SMAD3: variants seen among roughly 807,000 people sequenced by gnomAD.
SMAD3 encodes the protein MAD homolog 3.
Under a neutral mutation model 51.8 loss-of-function variants are expected in SMAD3, and 12 were observed. The observed-to-expected ratio is 0.23, with a 90% confidence interval of 0.15 to 0.38. SMAD3 has a LOEUF of 0.38. Ranked by LOEUF, SMAD3 falls within the 10% of genes least tolerant of loss-of-function variation. The pLI, the probability that SMAD3 is intolerant of heterozygous loss-of-function variation, is 1.00. For missense variants in SMAD3, 294 were observed against 565.6 expected (o/e 0.52, Z 4.87); for synonymous variants, 238 against 227.7 (o/e 1.05, Z -0.41).
intron 1 of SMAD3, chr15:67,128,003 T>C (rs1199315690): frequency 6.6e-6 from 1 of 152,246 alleles, no homozygotes; most frequent in Non-Finnish European, 1.5e-5. Flanking sequence ...CTTTCCAACT[T>C]GCAGCCTGCA....
At position 67,066,352 on chromosome 15, in the gene SMAD3, C is replaced by A. The variant is rs2140189180; in HGVS notation, c.198C>A (p.Thr66=). ...AGAACGTCAACACCAAGTGCATCAC[C>A]ATCCCCAGGTGGGGGCCCGCCCGGG... ...TTQNVNTKCI[T]IPRSLDGRLQ... is the part of the protein sequence containing the mutation. The change falls in exon 1 of 9, where the codon ACC becomes ACA. Residue 66 remains threonine (T), a synonymous_variant. Transcript: ENST00000327367. 1 of 1,612,692 alleles carries A rather than the reference C, an allele frequency of 6.2e-7. No homozygotes were observed. Among genetic ancestry groups the A allele is most frequent in the South Asian group, 1.1e-5 (1 of 91,020 alleles).
At chr15:67,165,181 TG>T in intron 2 of SMAD3, 71 bp from the exon 3 acceptor site, 4 of 1,612,234 alleles carry the variant, frequency 2.5e-6, no homozygotes, top group Middle Eastern at 1.7e-4. Flanking sequence ...GCGGTGCACT[TG>T]GGGGTGCGGG....
intron 1 of SMAD3, among the ~76,000 whole-genome samples, chr15:67,104,024 C>T (rs1052119534): frequency 4.6e-5 from 7 of 152,074 alleles, no homozygotes; most frequent in East Asian, 3.8e-4. Flanking sequence ...GGTGCGTAGC[C>T]GAGAAAGTGC....
intron 1 of SMAD3, chr15:67,138,102 T>A: frequency 6.5e-7 from 1 of 1,550,290 alleles, no homozygotes; most frequent in Non-Finnish European, 8.7e-7. Flanking sequence ...GATGGGGAGG[T>A]AGGAGCCCCG....
At chr15:67,182,996 A>ATATATATATATATATATAT (rs1429510155) in intron 6 of SMAD3, among the ~76,000 whole-genome samples, 1 of 55,380 alleles carries the variant, frequency 1.8e-5, no homozygotes, top group Non-Finnish European at 3.2e-5. Flanking sequence ...TAAAAAAAAA[A>ATATATATATATATATATAT]AAAAATATAT....
At chr15:67,145,616 G>A (rs1961954957) in intron 1 of SMAD3, among the ~76,000 whole-genome samples, 1 of 152,126 alleles carries the variant, frequency 6.6e-6, no homozygotes, top group South Asian at 2.1e-4. Context: ...TGAATGAAAG[G>A]TTATGGGTGA....
At position 67,183,028 on chromosome 15, in the gene SMAD3, TATA is replaced by T. The variant is rs1276821532; in HGVS notation, c.871+1576_871+1578del. Among the ~76,000 whole-genome samples, 301 of 63,860 alleles carry T rather than the reference TATA, an allele frequency of 4.7e-3. 2 individuals are homozygous for T. The highest frequency in any genetic ancestry group is 6.1e-3 in the Non-Finnish European group (230 of 37,606). The allele number at this position is 63,860 out of a possible 152,430, so 41.9% of individuals were successfully genotyped here. A position where few individuals can be genotyped will look rare whatever the true frequency, so the allele number is the denominator to read the frequency against. ...ATATATATATATATATATATATATA[TATA>T]TTTTTTTTTTTTTTTTTTTTGGAGC... On this transcript the variant is annotated intron_variant, in intron 6 of 8. Transcript: ENST00000327367.
rs1480492577 is a variant in SMAD3, at chr15:67,184,826, A to G, written c.971A>G (p.Tyr324Cys). The G allele has an allele frequency of 2.5e-6, 4 of 1,613,590 alleles. No individual in the cohort carries two copies. The change falls in exon 7 of 9, where the codon TAT (tyrosine) becomes TGT (cysteine). Residue 324 changes from tyrosine to cysteine, a missense_variant. By Grantham distance (194) the Tyr-to-Cys change is radical. Around this residue, in one of 3 missense-constraint regions of SMAD3, gnomAD observed 118 missense variants for 278.0 expected, o/e 0.42. Transcript: ENST00000327367. ...CAGTCTCCCAACTGTAACCAGCGCTATGGCTGGCACCCGGCCACCGTCTGC... is the reference window on the plus strand; with the variant it reads ...CAGTCTCCCAACTGTAACCAGCGCTGTGGCTGGCACCCGGCCACCGTCTGC... The part of the protein sequence containing the change: ...FVQSPNCNQR[Y>C]GWHPATVCKI...
At chr15:67,178,239 T>G (rs1241969944) in intron 5 of SMAD3, among the ~76,000 whole-genome samples, 1 of 152,178 alleles carries the variant, frequency 6.6e-6, no homozygotes, top group African/African-American at 2.4e-5. Context: ...CAGAGCATGG[T>G]TCTAGCACCA....
chr15:67,174,904 CAAAGCCACTTCTGGTAAG>C (rs1962847333), intron 5 of SMAD3, among the ~76,000 whole-genome samples: 1 of 152,244 alleles, frequency 6.6e-6, no homozygotes, highest in African/African-American at 2.4e-5. Context: ...CTTGCCCCAG[CAAAGCCACTTCTGGTAAG>C]GGGCAGGGAC....
intron 1 of SMAD3, among the ~76,000 whole-genome samples, chr15:67,072,211 G>A (rs539296530): frequency 2.0e-5 from 3 of 152,138 alleles, no homozygotes; most frequent in South Asian, 2.1e-4. Context: ...AAATTAACAC[G>A]ATTTAATGAA....
rs1416321033 is a variant in SMAD3, at chr15:67,166,848, A to G, written c.602A>G (p.Asp201Gly). 4 of 1,589,700 alleles carry G rather than the reference A, an allele frequency of 2.5e-6. No homozygotes were observed. Among genetic ancestry groups the G allele is most frequent in the Non-Finnish European group, 3.4e-6 (4 of 1,167,292 alleles). The change falls in exon 4 of 9, where the codon GAC (aspartate) becomes GGC (glycine). Residue 201 changes from aspartate to glycine, a missense_variant. Coordinates refer to ENST00000327367, the MANE Select transcript of SMAD3 (RefSeq NM_005902.4). Reference protein sequence around the residue: ...TSDHQMNHSMDAGSPNLSPNP... With the variant: ...TSDHQMNHSMGAGSPNLSPNP... ...GACCACCAGATGAACCACAGCATGG[A>G]CGCAGGTCAGTCATGCAGGGTCATG...
chr15:67,180,286 G>A (rs545310920), intron 5 of SMAD3, among the ~76,000 whole-genome samples: 5 of 152,174 alleles, frequency 3.3e-5, no homozygotes, highest in African/African-American at 9.6e-5. Flanking sequence ...CTGCAGAGGC[G>A]TGCAGTAGGA....
chr15:67,177,484 G>A (rs71400360), intron 5 of SMAD3, among the ~76,000 whole-genome samples: 8,027 of 146,582 alleles, frequency 0.055, 330 homozygotes, highest in East Asian at 0.16. Flanking sequence ...GTGCAGTGGC[G>A]TGATCTTGGC....
intron 1 of SMAD3, among the ~76,000 whole-genome samples, chr15:67,090,611 A>G (rs1960489465): frequency 6.6e-6 from 1 of 152,036 alleles, no homozygotes; most frequent in Admixed American, 6.6e-5. Context: ...TCTGATGTGA[A>G]CCACTCACTA....
chr15:67,106,375 C>G (rs1164859089), intron 1 of SMAD3, among the ~76,000 whole-genome samples: 1 of 152,158 alleles, frequency 6.6e-6, no homozygotes, highest in East Asian at 1.9e-4. Flanking sequence ...GTTCCTTCTT[C>G]CTGGAATGCT....
intron 1 of SMAD3, among the ~76,000 whole-genome samples, chr15:67,092,179 T>TC (rs1433462087): frequency 3.3e-5 from 5 of 152,132 alleles, no homozygotes; most frequent in Non-Finnish European, 7.4e-5. Flanking sequence ...GCCTGGAAAG[T>TC]CAGGGCTCAG....
At chr15:67,166,008 CT>C in intron 3 of SMAD3, 1 of 191,922 alleles carries the variant, frequency 5.2e-6, no homozygotes, top group South Asian at 1.6e-4. Context: ...GTCACTTTTG[CT>C]TGCTGGGGCA....
intron 1 of SMAD3, among the ~76,000 whole-genome samples, chr15:67,133,198 T>C (rs1961568293): frequency 6.6e-6 from 1 of 152,208 alleles, no homozygotes; most frequent in Non-Finnish European, 1.5e-5. Context: ...TCTAACTTTA[T>C]GGAAGGGTGA....
Sources: allele counts gnomAD v4.1 joint callset (sites outside exome capture counted in the v4.1 genomes callset), GRCh38; gene constraint gnomAD v4.1.1; regional missense constraint gnomAD v4.1.1; transcripts MANE v1.5; gene names NCBI Gene and HGNC (gene_info 2026-07-23, HGNC 2026-07-21).